The following PLA2G4E variants were observed in gnomAD, a reference collection of about 807,000 sequenced individuals.
PLA2G4E encodes the protein cytosolic phospholipase A2 epsilon.
A neutral mutation model predicts 109.1 loss-of-function variants in PLA2G4E; 84 were observed. The observed-to-expected ratio is 0.77, with a 90% CI of 0.65 to 0.92. The LOEUF is 0.92. Among genes scored for constraint, PLA2G4E ranks in the 40% least tolerant of loss-of-function variants. The pLI is 0.00. For missense variants in PLA2G4E, 1,057 were observed against 1,076.6 expected (o/e 0.98, Z 0.25); for synonymous variants, 469 against 436.1 (o/e 1.08, Z -0.94).
At chr15:41,995,440 C>A in exon 12 of PLA2G4E, 1 of 1,614,002 alleles carries the variant, frequency 6.2e-7, no homozygotes, top group Non-Finnish European at 8.5e-7. Context: ...GGTGGCCATA[C>A]ATGGAGGTCA....
intron 10 of PLA2G4E, chr15:41,998,369 A>T (rs537506291): frequency 6.6e-6 from 1 of 152,364 alleles, no homozygotes; most frequent in East Asian, 1.9e-4. Context: ...TTTGCTGAGC[A>T]TCCCACTTGC....
intron 17 of PLA2G4E, 200 bp downstream of exon 17, chr15:41,986,972 C>T: frequency 1.6e-6 from 1 of 609,372 alleles, no homozygotes; most frequent in South Asian, 2.0e-5. Context: ...GTTAAGTACC[C>T]ACACCACTCC....
chr15:42,004,838 G>A, intron 5 of PLA2G4E, 100 bp downstream of exon 5: 6 of 1,261,376 alleles, frequency 4.8e-6, no homozygotes, highest in Non-Finnish European at 5.7e-6. Context: ...CTGGAAGAGG[G>A]TGAGGCAGCA....
intron 1 of PLA2G4E, among the ~76,000 whole-genome samples, chr15:42,035,435 G>A (rs968134551): frequency 6.6e-6 from 1 of 152,258 alleles, no homozygotes; most frequent in Admixed American, 6.5e-5. Context: ...ATGCCTAGGG[G>A]CTAGAGAGTG....
At chr15:41,996,077 T>G (rs2141035840) in intron 11 of PLA2G4E, among the ~76,000 whole-genome samples, 2 of 152,230 alleles carry the variant, frequency 1.3e-5, no homozygotes, top group Middle Eastern at 6.8e-3. Flanking sequence ...CCAGGTACAA[T>G]GGCTCACACT....
intron 4 of PLA2G4E, 83 bp from the exon 5 acceptor site, chr15:42,005,061 G>A (rs570298369): frequency 3.4e-4 from 514 of 1,518,130 alleles, no homozygotes; most frequent in Non-Finnish European, 4.2e-4. Flanking sequence ...CCTGGGAGCC[G>A]CTGTGGACCT....
exon 5 of PLA2G4E, chr15:42,004,957 C>G: frequency 6.2e-7 from 1 of 1,613,242 alleles, no homozygotes; most frequent in Non-Finnish European, 8.5e-7. Context: ...AGCAGGAACT[C>G]CACCTCCAGC....
intron 6 of PLA2G4E, 71 bp from the exon 7 acceptor site, chr15:42,001,291 G>C: frequency 7.2e-7 from 1 of 1,386,130 alleles, no homozygotes; most frequent in Non-Finnish European, 1.0e-6. Context: ...AGGCTGAAGG[G>C]AGATGAGGGA....
At position 41,999,901 on chromosome 15, in the gene PLA2G4E, A is replaced by G; in HGVS notation, c.936+16T>C. 6.2e-7 allele frequency: 1 copy of G among 1,600,232 alleles called. No individual in the cohort carries two copies. The highest frequency in any genetic ancestry group is 8.5e-7 in the Non-Finnish European group (1 of 1,172,384). ...GGGAAGTAAGTCAGGGGCCCTTCCC[A>G]GACTCAGGCACTCACCACAGGCAGG... On this transcript the variant is annotated intron_variant, in intron 9 of 19. Transcript: ENST00000399518.
intron 11 of PLA2G4E, 126 bp downstream of exon 11, chr15:41,996,998 G>C: frequency 7.9e-7 from 1 of 1,266,972 alleles, no homozygotes. Context: ...CAGGGCGCCT[G>C]TACCTCAGCA....
intron 1 of PLA2G4E, among the ~76,000 whole-genome samples, chr15:42,045,402 G>A (rs1387621148): frequency 6.6e-6 from 1 of 152,164 alleles, no homozygotes; most frequent in East Asian, 1.9e-4. Flanking sequence ...CCTCTCATGA[G>A]ATGCAAGAGA....
chr15:42,004,798 GAA>G, intron 5 of PLA2G4E, 138 bp downstream of exon 5: 2 of 906,082 alleles, frequency 2.2e-6, no homozygotes, highest in Non-Finnish European at 3.6e-6. Flanking sequence ...GATGCACAGT[GAA>G]GAGTCAGGGT....
chr15:41,992,653 T>C, intron 13 of PLA2G4E, 84 bp downstream of exon 13: 2 of 1,341,148 alleles, frequency 1.5e-6, no homozygotes, highest in East Asian at 2.4e-5. Flanking sequence ...CTGTGTGCAA[T>C]GGAAGTCCTG....
chr15:42,009,915 C>T (rs1223261893), intron 2 of PLA2G4E: 5 of 180,256 alleles, frequency 2.8e-5, no homozygotes, highest in Non-Finnish European at 6.0e-5. Context: ...AGCCCAGAGT[C>T]CTCTGTTCCT....
At chr15:42,035,779 G>T (rs974308532) in intron 1 of PLA2G4E, among the ~76,000 whole-genome samples, 3 of 152,180 alleles carry the variant, frequency 2.0e-5, no homozygotes, top group African/African-American at 4.8e-5. Context: ...TGGAGTCATA[G>T]GTATCCATTT....
chr15:42,042,926 C>T (rs1460570578), intron 1 of PLA2G4E, among the ~76,000 whole-genome samples: 1 of 152,132 alleles, frequency 6.6e-6, no homozygotes, highest in African/African-American at 2.4e-5. Context: ...CAGTCAAGCA[C>T]CAGAAAGGGT....
intron 1 of PLA2G4E, among the ~76,000 whole-genome samples, chr15:42,018,963 G>A (rs984538519): frequency 2.0e-5 from 3 of 152,228 alleles, no homozygotes; most frequent in Non-Finnish European, 2.9e-5. Flanking sequence ...GCCCAGCTGG[G>A]CTGTGCTCTA....
At chr15:42,028,592 A>G (rs993977939) in intron 1 of PLA2G4E, among the ~76,000 whole-genome samples, 1 of 151,876 alleles carries the variant, frequency 6.6e-6, no homozygotes, top group African/African-American at 2.4e-5. Flanking sequence ...TTTTTTGTAG[A>G]GAAGGAGTTT....
chr15:42,037,530 C>T (rs1213754227), intron 1 of PLA2G4E, among the ~76,000 whole-genome samples: 1 of 152,236 alleles, frequency 6.6e-6, no homozygotes, highest in Non-Finnish European at 1.5e-5. Context: ...TTCTTGCTCA[C>T]CTCCCACTTG....
Sources: gnomAD v4.1 joint callset for allele counts (sites outside exome capture counted in the v4.1 genomes callset) on GRCh38, gnomAD v4.1.1 for gene constraint, MANE v1.5 for transcripts, NCBI Gene and HGNC (gene_info 2026-07-23, HGNC 2026-07-21) for gene names.